Variants in GAN observed in about 807,000 individuals in gnomAD.
GAN encodes epididymis secretory sperm binding protein.
A neutral mutation model predicts 71.3 loss-of-function variants in GAN; 48 were observed. The ratio of observed to expected loss-of-function variants is 0.67; its 90% CI spans 0.53 to 0.86. The LOEUF is 0.86. Ranked by LOEUF, GAN falls within the 40% of genes least tolerant of loss-of-function variation. The probability of loss-of-function intolerance (pLI) is 0.00; values close to 1 mark genes in which losing one functional copy is unlikely to be tolerated. For synonymous variants in GAN, 386 were observed against 276.8 expected, an observed-to-expected ratio of 1.39 and a Z score of -3.92; for missense variants, 928 against 770.1, an observed-to-expected ratio of 1.21 and a Z score of -2.43.
At chr16:81,359,816 A>C (rs1356367168) in intron 5 of GAN, among the ~76,000 whole-genome samples, 1 of 152,162 alleles carries the variant, frequency 6.6e-6, no homozygotes, top group Non-Finnish European at 1.5e-5. Flanking sequence ...TAAAAGATTA[A>C]CGACAATAAC....
In GAN at chr16:81,315,077, G is replaced by C. The variant is rs1029825502; in HGVS notation, c.-37G>C. 13 of 1,446,200 alleles carry C rather than the reference G, an allele frequency of 9.0e-6. No homozygotes were observed. Among genetic ancestry groups the C allele is most frequent in the African/African-American group, 1.5e-5 (1 of 67,722 alleles). 89.6% of individuals were successfully genotyped at this position (1,446,200 alleles called of 1,614,324 possible). A position where few individuals can be genotyped will look rare whatever the true frequency, so the allele number is the denominator to read the frequency against. ...TCGAGGGGTCCGGCCGGACGGTGTC[G>C]GGAGCCGGACCCGTCGGCAGAGGAG... On this transcript the variant is annotated 5_prime_UTR_variant, in exon 1 of 11. Coordinates refer to ENST00000648994, the MANE Select transcript of GAN (RefSeq NM_022041.4).
intron 2 of GAN, among the ~76,000 whole-genome samples, chr16:81,352,356 C>T (rs1011043239): frequency 6.6e-6 from 1 of 152,136 alleles, no homozygotes; most frequent in Non-Finnish European, 1.5e-5. Flanking sequence ...TGCCCTCCTC[C>T]GACTACCCAT....
At chr16:81,342,038 G>A (rs1039542061) in intron 1 of GAN, among the ~76,000 whole-genome samples, 1 of 152,150 alleles carries the variant, frequency 6.6e-6, no homozygotes, top group Non-Finnish European at 1.5e-5. Flanking sequence ...GACAAAGAAG[G>A]CCATTACATA....
intron 6 of GAN, 99 bp downstream of exon 6, chr16:81,362,710 G>A: frequency 1.3e-6 from 1 of 762,632 alleles, no homozygotes. Context: ...CGGCAGCCTT[G>A]TCAAGCCACC....
At position 81,382,577 on chromosome 16, in the gene GAN, T is replaced by G. The variant is rs1163472630; in HGVS notation, c.*4981T>G. 1 of 152,220 alleles carries G rather than the reference T, an allele frequency of 6.6e-6. No homozygotes were observed. Among genetic ancestry groups the G allele is most frequent in the Non-Finnish European group, 1.5e-5 (1 of 68,038 alleles). 9.4% of individuals were successfully genotyped at this position (152,220 alleles called of 1,614,324 possible). A position where few individuals can be genotyped will look rare whatever the true frequency, so the allele number is the denominator to read the frequency against. On this transcript the variant is annotated 3_prime_UTR_variant, in exon 11 of 11. Coordinates refer to ENST00000648994, the MANE Select transcript of GAN (RefSeq NM_022041.4). ...CTATGTCTTAGAATGTTGAGGAAAG[T>G]ATTTTGATAGCTTTTAATAATTCTT...
At position 81,389,482 on chromosome 16, in the gene GAN, G is replaced by C. The variant is rs1480341569; in HGVS notation, c.*11886G>C. On this transcript the variant is annotated 3_prime_UTR_variant, in exon 11 of 11. Coordinates refer to ENST00000648994, the MANE Select transcript of GAN (RefSeq NM_022041.4). ...AGCAGAGCTGACAAAAGCACCCCCT[G>C]CTCTGCCCACCTCCGCAGAGTCCTG... 6.6e-6 allele frequency: 1 copy of C among 152,200 alleles called. No homozygotes were observed. Among genetic ancestry groups the C allele is most frequent in the Non-Finnish European group, 1.5e-5 (1 of 68,040 alleles). 9.4% of individuals were successfully genotyped at this position (152,200 alleles called of 1,614,324 possible).
chr16:81,356,172 ACT>A (rs1910478589), intron 3 of GAN, among the ~76,000 whole-genome samples: 1 of 152,210 alleles, frequency 6.6e-6, no homozygotes, highest in Admixed American at 6.5e-5. Context: ...GATTTTTAAA[ACT>A]CACAGTTTTA....
At chr16:81,331,261 A>T (rs763366287) in intron 1 of GAN, among the ~76,000 whole-genome samples, 43 of 152,322 alleles carry the variant, frequency 2.8e-4, no homozygotes, top group Non-Finnish European at 5.1e-4. Flanking sequence ...TGACCAGTGC[A>T]CATCAAAGTG....
chr16:81,326,391 G>C (rs1597389667), intron 1 of GAN, among the ~76,000 whole-genome samples: 1 of 151,186 alleles, frequency 6.6e-6, no homozygotes, highest in Admixed American at 6.6e-5. Flanking sequence ...AAATTAGCCA[G>C]ATGTGGTGGC....
rs538361023 is a variant in GAN at position 81,381,581 on chromosome 16, C to T, written c.*3985C>T. The T allele has an allele frequency of 3.7e-4, 57 of 152,354 alleles. No individual in the cohort carries two copies. Among genetic ancestry groups the T allele is most frequent in the African/African-American group, 1.3e-3 (55 of 41,550 alleles). The allele number at this position is 152,354 out of a possible 1,614,324, so 9.4% of individuals were successfully genotyped here. ...AGCCAACACATGTCTGATGAGCACC[C>T]ACTAGGAACTGTGCTTGCCATCCTG... On this transcript the variant is annotated 3_prime_UTR_variant, in exon 11 of 11. Coordinates refer to ENST00000648994, the MANE Select transcript of GAN (RefSeq NM_022041.4).
intron 1 of GAN, among the ~76,000 whole-genome samples, chr16:81,320,200 C>A (rs921086152): frequency 6.6e-6 from 1 of 152,126 alleles, no homozygotes; most frequent in Non-Finnish European, 1.5e-5. Flanking sequence ...CTTAAGGAGA[C>A]TAATAGGATC....
At chr16:81,368,359 G>T (rs7199505) in intron 9 of GAN, among the ~76,000 whole-genome samples, 114 of 152,304 alleles carry the variant, frequency 7.5e-4, no homozygotes, top group African/African-American at 2.7e-3. Context: ...AGAACTCTGG[G>T]AGACCCAGGT....
chr16:81,377,079 C>A (rs1026345191), intron 9 of GAN, 140 bp from the exon 10 acceptor site: 24 of 760,430 alleles, frequency 3.2e-5, no homozygotes, highest in Non-Finnish European at 5.6e-5. Context: ...TCGGTGGTTA[C>A]CTGGCAGTGG....
At chr16:81,329,894 A>AT (rs1909515514) in intron 1 of GAN, among the ~76,000 whole-genome samples, 1 of 152,134 alleles carries the variant, frequency 6.6e-6, no homozygotes, top group Non-Finnish European at 1.5e-5. Context: ...AGCCCGCTAC[A>AT]TGGCCACCTT....
At chr16:81,355,792 G>T (rs1429891506) in intron 3 of GAN, among the ~76,000 whole-genome samples, 1 of 152,272 alleles carries the variant, frequency 6.6e-6, no homozygotes, top group East Asian at 1.9e-4. Flanking sequence ...AATTGTTCTT[G>T]TAAGTTAAAA....
chr16:81,332,949 T>A (rs1467832194), intron 1 of GAN, among the ~76,000 whole-genome samples: 2 of 152,066 alleles, frequency 1.3e-5, no homozygotes, highest in African/African-American at 4.8e-5. Context: ...AGGTATCCAC[T>A]AGGTTTAGGG....
chr16:81,334,827 C>G (rs186119271), intron 1 of GAN, among the ~76,000 whole-genome samples: 1 of 152,142 alleles, frequency 6.6e-6, no homozygotes, highest in Admixed American at 6.5e-5. Flanking sequence ...TCACCAACAT[C>G]GCAATATTAA....
At chr16:81,371,691 A>T (rs1377589632) in intron 9 of GAN, among the ~76,000 whole-genome samples, 1 of 151,748 alleles carries the variant, frequency 6.6e-6, no homozygotes, top group Non-Finnish European at 1.5e-5. Flanking sequence ...TTGCCCCAAG[A>T]CCCCTTTTCC....
chr16:81,320,447 A>G (rs1298260267), intron 1 of GAN, among the ~76,000 whole-genome samples: 1 of 152,248 alleles, frequency 6.6e-6, no homozygotes, highest in African/African-American at 2.4e-5. Context: ...CCGAGGCAGC[A>G]GTATCCACTA....
Sources: gnomAD v4.1 joint callset for allele counts (sites outside exome capture counted in the v4.1 genomes callset) on GRCh38, gnomAD v4.1.1 for gene constraint, MANE v1.5 for transcripts, NCBI Gene and HGNC (gene_info 2026-07-23, HGNC 2026-07-21) for gene names.